TPR: variants seen among roughly 807,000 people sequenced by gnomAD.
The protein encoded by TPR is translocated promoter region, nuclear basket protein.
Under a neutral mutation model 316.1 loss-of-function variants are expected in TPR, and 51 were observed. The observed-to-expected ratio is 0.16, with a 90% CI of 0.13 to 0.20. The LOEUF (loss-of-function observed/expected upper bound fraction) is 0.20, where lower values mean the gene tolerates loss of function less well. Ranked by LOEUF, TPR falls within the 10% of genes least tolerant of loss-of-function variation. TPR has a pLI of 1.00. For synonymous variants in TPR, 981 were observed against 914.7 expected (o/e 1.07, Z -1.31); for missense variants, 2,272 against 2,754.8 (o/e 0.82, Z 3.92).
At chr1:186,363,244 C>T (rs1403353331) in intron 5 of TPR, 98 bp downstream of exon 5, 1 of 1,100,318 alleles carries the variant, frequency 9.1e-7, no homozygotes, top group Non-Finnish European at 1.3e-6. Context: ...AAACAAAATG[C>T]AGCTTTTAAT....
chr1:186,339,394 T>TTTA (rs1553229443), intron 30 of TPR, among the ~76,000 whole-genome samples: 1 of 152,024 alleles, frequency 6.6e-6, no homozygotes, highest in East Asian at 1.9e-4. Flanking sequence ...GCTTTAGACT[T>TTTA]CTGAGTAGCT....
At chr1:186,320,284 C>A in intron 46 of TPR, 28 bp downstream of exon 46, 1 of 1,563,046 alleles carries the variant, frequency 6.4e-7, no homozygotes, top group Non-Finnish European at 8.7e-7. Context: ...CATACAAATT[C>A]AGGGGATCTA....
At chr1:186,321,709 C>T (rs1351195753) in intron 45 of TPR, among the ~76,000 whole-genome samples, 2 of 152,116 alleles carry the variant, frequency 1.3e-5, no homozygotes, top group Non-Finnish European at 2.9e-5. Flanking sequence ...AAATAAATTA[C>T]TTCTTCATTT....
rs965558589 is a variant in TPR at position 186,313,912 on chromosome 1, T to C, written c.*59A>G. On this transcript the variant is annotated 3_prime_UTR_variant, in exon 51 of 51. Coordinates refer to ENST00000367478, the MANE Select transcript of TPR (RefSeq NM_003292.3). Reference sequence around the variant, plus strand: ...ATAAAAATGTTTTTAAACTTGACAATCATTACACTAAAACAGATTTGATAA... The same window carrying C: ...ATAAAAATGTTTTTAAACTTGACAACCATTACACTAAAACAGATTTGATAA... The C allele has an allele frequency of 2.4e-5, 37 of 1,568,754 alleles. No individual in the cohort carries two copies. In the Admixed American group the frequency reaches 3.7e-4, roughly 16 times the overall value.
At chr1:186,318,898 A>G in intron 46 of TPR, 70 bp from the exon 47 acceptor site, 1 of 1,414,100 alleles carries the variant, frequency 7.1e-7, no homozygotes, top group South Asian at 1.2e-5. Flanking sequence ...CAGGGATGTG[A>G]AAGAAAAATA....
At chr1:186,372,959 C>G (rs959993335) in intron 2 of TPR, among the ~76,000 whole-genome samples, 1 of 152,080 alleles carries the variant, frequency 6.6e-6, no homozygotes, top group African/African-American at 2.4e-5. Context: ...AACATAAAAA[C>G]AAGCCACTCT....
In TPR at chr1:186,312,096, T is replaced by C. The variant is rs991242002; in HGVS notation, c.*1875A>G. The C allele has an allele frequency of 9.6e-5, 119 of 1,233,284 alleles. 4 individuals carry two copies. The Middle Eastern group carries it at 2.9e-3, about 30-fold the overall frequency. 76.4% of individuals were successfully genotyped at this position (1,233,284 alleles called of 1,614,324 possible). A position where few individuals can be genotyped will look rare whatever the true frequency, so the allele number is the denominator to read the frequency against. ...GAGAACAAAACTGTTTCCTATACAT[T>C]GTAAAAGTTGTTTTCCACCTTTTCT... is the stretch of plus-strand genomic sequence containing the variant. On this transcript the variant is annotated 3_prime_UTR_variant, in exon 51 of 51. Transcript: ENST00000367478.
chr1:186,343,206 T>G, intron 27 of TPR, 120 bp downstream of exon 27: 1 of 1,317,658 alleles, frequency 7.6e-7, no homozygotes, highest in Non-Finnish European at 1.0e-6. Context: ...TTAATGAATT[T>G]ACAAGTTTAG....
intron 37 of TPR, 142 bp downstream of exon 37, chr1:186,332,980 T>C (rs1161095699): frequency 4.5e-5 from 44 of 981,084 alleles, no homozygotes; most frequent in Non-Finnish European, 5.7e-5. Context: ...GTGATACGTA[T>C]TATATCCAAG....
chr1:186,336,946 GT>G, intron 32 of TPR, 66 bp downstream of exon 32: 1 of 1,596,658 alleles, frequency 6.3e-7, no homozygotes, highest in East Asian at 2.2e-5. Context: ...AGTGTCAGTA[GT>G]TAACACATAT....
intron 39 of TPR, among the ~76,000 whole-genome samples, chr1:186,328,770 C>A (rs1168169322): frequency 6.6e-6 from 1 of 152,128 alleles, no homozygotes; most frequent in Non-Finnish European, 1.5e-5. Context: ...ATAAATATAT[C>A]AGATACTAAA....
At position 186,362,949 on chromosome 1, in the gene TPR, G is replaced by A. The variant is rs1659239663; in HGVS notation, c.584C>T (p.Thr195Ile). The part of the protein sequence containing the change: ...QEKELLHSQN[T>I]WLNTELKTKT... ...GGTTTTCAACTCTGTATTCAGCCAT[G>A]TATTCTGACTATGTAGCAATTCCTT... Residue 195 changes from threonine to isoleucine, a missense_variant, in exon 6 of 51, where the codon ACA becomes ATA. Physicochemically the swap from Thr to Ile is moderately conservative, Grantham distance 89 (BLOSUM62 -1). Coordinates refer to ENST00000367478, the MANE Select transcript of TPR (RefSeq NM_003292.3). The A allele has an allele frequency of 6.2e-7, 1 of 1,610,080 alleles. No homozygotes were observed. Among genetic ancestry groups the A allele is most frequent in the Non-Finnish European group, 8.5e-7 (1 of 1,178,816 alleles).
chr1:186,344,763 T>C (rs1187353569), intron 24 of TPR, among the ~76,000 whole-genome samples, 185 bp from the exon 25 acceptor site: 2 of 152,162 alleles, frequency 1.3e-5, no homozygotes, highest in Non-Finnish European at 2.9e-5. Flanking sequence ...CTGTCAGAAA[T>C]GAAGCTTAGA....
At position 186,358,667 on chromosome 1, in the gene TPR, C is replaced by T; in HGVS notation, c.1390-17G>A. The T allele has an allele frequency of 1.2e-6, 2 of 1,605,934 alleles. No individual in the cohort carries two copies. Among genetic ancestry groups the T allele is most frequent in the Non-Finnish European group, 1.7e-6 (2 of 1,176,082 alleles). On this transcript the variant is annotated splice_polypyrimidine_tract_variant and intron_variant, in intron 12 of 50. Coordinates refer to ENST00000367478, the MANE Select transcript of TPR (RefSeq NM_003292.3). The stretch of plus-strand genomic sequence containing the variant: ...CTGAATCTCCTTTAAAATGTAAATT[C>T]AAGTGAAAATTTTGTACTTCCTTCT...
chr1:186,351,936 T>A (rs1353772264), intron 19 of TPR, 40 bp downstream of exon 19: 1 of 1,554,668 alleles, frequency 6.4e-7, no homozygotes, highest in East Asian at 2.3e-5. Context: ...TAAATTTAAC[T>A]TTTATACATT....
chr1:186,329,518 A>G lies in TPR; in HGVS notation c.5689-1858T>C, dbSNP rs372554255. On this transcript the variant is annotated intron_variant, in intron 39 of 50. Transcript: ENST00000367478. ...GCCTGAAGTTTATACACACAGCCTG[A>G]AGTTAATCTGACACAATATTTTTAA... 3.9e-4 allele frequency among the ~76,000 whole-genome samples: 59 copies of G among 152,334 alleles called. 1 individual carries two copies. The highest frequency in any genetic ancestry group is 1.4e-3 in the African/African-American group (58 of 41,582).
Position 186,314,616 on chromosome 1 carries a change from G to A in TPR, c.7036+13C>T. On this transcript the variant is annotated intron_variant, in intron 50 of 50. Transcript: ENST00000367478. ...ACATTCTATCATGTAATCCAGTTAT[G>A]TCAGAAATTCACCTCTCTGTCTGTT... 1 of 1,592,642 alleles carries A rather than the reference G, an allele frequency of 6.3e-7. No homozygotes were observed.
intron 37 of TPR, 126 bp downstream of exon 37, chr1:186,332,996 A>T (rs1299252473): frequency 8.8e-7 from 1 of 1,136,608 alleles, no homozygotes; most frequent in Non-Finnish European, 1.2e-6. Flanking sequence ...CCAAGATATT[A>T]TAATTGCGTA....
At chr1:186,330,853 T>C (rs71634159) in intron 39 of TPR, among the ~76,000 whole-genome samples, 13,570 of 152,176 alleles carry the variant, frequency 0.089, 951 homozygotes, top group East Asian at 0.38. Context: ...AGTAATAATA[T>C]TCTGAGTGCC....
Sources: allele counts gnomAD v4.1 joint callset (sites outside exome capture counted in the v4.1 genomes callset), GRCh38; gene constraint gnomAD v4.1.1; transcripts MANE v1.5; gene names NCBI Gene and HGNC (gene_info 2026-07-23, HGNC 2026-07-21).